TMTC2: variants seen among roughly 807,000 people sequenced by gnomAD.
The protein encoded by TMTC2 is transmembrane O-mannosyltransferase targeting cadherins 2.
Under a neutral mutation model 82.4 loss-of-function variants are expected in TMTC2, and 43 were observed. The observed-to-expected ratio is 0.52, with a 90% CI of 0.41 to 0.67. The LOEUF (loss-of-function observed/expected upper bound fraction) is 0.67. Among genes scored for constraint, TMTC2 ranks in the 30% least tolerant of loss-of-function variants. TMTC2 has a pLI of 0.00. For synonymous variants in TMTC2, 408 were observed against 381.9 expected (o/e 1.07, Z -0.80); for missense variants, 919 against 1,012.4 (o/e 0.91, Z 1.25).
At chr12:83,111,539 C>T (rs976996416) in intron 11 of TMTC2, among the ~76,000 whole-genome samples, 2 of 152,178 alleles carry the variant, frequency 1.3e-5, no homozygotes, top group African/African-American at 2.4e-5. Flanking sequence ...ATGTGACCCA[C>T]AGACTAGTTT....
intron 7 of TMTC2, among the ~76,000 whole-genome samples, chr12:82,974,537 T>TA (rs970112938): frequency 2.6e-5 from 4 of 152,170 alleles, no homozygotes; most frequent in Admixed American, 2.0e-4. Context: ...AAGATATTCT[T>TA]ACACATATTT....
At chr12:82,926,044 C>T (rs1293308079) in intron 3 of TMTC2, among the ~76,000 whole-genome samples, 2 of 148,948 alleles carry the variant, frequency 1.3e-5, no homozygotes, top group Non-Finnish European at 3.0e-5. Flanking sequence ...TGCAGTGGTG[C>T]GATCTCGGCT....
At chr12:83,005,185 T>C (rs1258489320) in intron 8 of TMTC2, among the ~76,000 whole-genome samples, 3 of 123,202 alleles carry the variant, frequency 2.4e-5, no homozygotes, top group African/African-American at 3.4e-5. Flanking sequence ...GCCTGGGCGA[T>C]AGAGCTAGAC....
intron 2 of TMTC2, among the ~76,000 whole-genome samples, chr12:82,863,744 TA>T (rs958821993): frequency 6.6e-6 from 1 of 152,248 alleles, no homozygotes; most frequent in African/African-American, 2.4e-5. Flanking sequence ...AAATTATCAT[TA>T]AAAAAATTCA....
At chr12:82,689,794 A>T (rs758704525) in intron 1 of TMTC2, among the ~76,000 whole-genome samples, 2 of 152,204 alleles carry the variant, frequency 1.3e-5, no homozygotes, top group Non-Finnish European at 2.9e-5. Context: ...GTAGCTACAT[A>T]GGTGAATATA....
At chr12:82,837,120 C>G (rs910568685) in intron 1 of TMTC2, among the ~76,000 whole-genome samples, 1 of 152,182 alleles carries the variant, frequency 6.6e-6, no homozygotes, top group Non-Finnish European at 1.5e-5. Context: ...CTTGGAGCCT[C>G]TCATTGAGAT....
At chr12:83,043,929 G>T (rs547596126) in intron 9 of TMTC2, among the ~76,000 whole-genome samples, 6 of 152,096 alleles carry the variant, frequency 3.9e-5, no homozygotes, top group Admixed American at 6.6e-5. Flanking sequence ...GAATTGTTCC[G>T]AAATTAAAAT....
chr12:82,875,253 G>A (rs1872424908), intron 2 of TMTC2, among the ~76,000 whole-genome samples: 2 of 152,058 alleles, frequency 1.3e-5, no homozygotes, highest in African/African-American at 4.8e-5. Context: ...TTTCATACAA[G>A]TTGCATGCAT....
At chr12:82,833,902 A>G (rs1869887689) in intron 1 of TMTC2, among the ~76,000 whole-genome samples, 1 of 152,222 alleles carries the variant, frequency 6.6e-6, no homozygotes, top group Non-Finnish European at 1.5e-5. Flanking sequence ...ACAGATGATA[A>G]TTACCCAGTA....
intron 9 of TMTC2, among the ~76,000 whole-genome samples, chr12:83,034,846 C>A (rs886920882): frequency 1.3e-5 from 2 of 152,084 alleles, no homozygotes; most frequent in African/African-American, 4.8e-5. Context: ...AAAAGATGTT[C>A]TATTTGAATT....
intron 1 of TMTC2, among the ~76,000 whole-genome samples, chr12:82,770,153 CTG>C (rs1489890453): frequency 1.3e-5 from 2 of 152,128 alleles, no homozygotes; most frequent in Non-Finnish European, 2.9e-5. Context: ...GCAAGTCAAA[CTG>C]TGACTTTTAC....
chr12:82,897,565 G>A (rs539894187), intron 3 of TMTC2, among the ~76,000 whole-genome samples: 10 of 152,064 alleles, frequency 6.6e-5, no homozygotes, highest in South Asian at 2.1e-4. Flanking sequence ...TTGCTCTGTC[G>A]CCCAGGCCGG....
chr12:82,776,373 A>G (rs780029263), intron 1 of TMTC2, among the ~76,000 whole-genome samples: 7 of 152,194 alleles, frequency 4.6e-5, no homozygotes, highest in East Asian at 1.9e-4. Context: ...CACTCTGGGT[A>G]TATGCTGGAC....
At chr12:82,855,361 T>C (rs1592577223) in intron 1 of TMTC2, among the ~76,000 whole-genome samples, 1 of 152,202 alleles carries the variant, frequency 6.6e-6, no homozygotes, top group East Asian at 1.9e-4. Context: ...TCCAACCTGC[T>C]TTTCGGTAAT....
chr12:83,060,785 G>A (rs1347213080), intron 10 of TMTC2, among the ~76,000 whole-genome samples: 1 of 151,756 alleles, frequency 6.6e-6, no homozygotes, highest in Non-Finnish European at 1.5e-5. Flanking sequence ...CGACTGGCTG[G>A]ACTTCCTTAG....
At chr12:83,108,598 C>T (rs1884496505) in intron 11 of TMTC2, among the ~76,000 whole-genome samples, 1 of 151,496 alleles carries the variant, frequency 6.6e-6, no homozygotes, top group Non-Finnish European at 1.5e-5. Context: ...CGACTGCACT[C>T]CAGCCTGGGT....
At chr12:83,095,126 A>C (rs1043169634) in intron 11 of TMTC2, among the ~76,000 whole-genome samples, 5 of 151,960 alleles carry the variant, frequency 3.3e-5, no homozygotes, top group African/African-American at 1.2e-4. Flanking sequence ...GTGTGTGTGC[A>C]TGTGTCCATG....
chr12:82,858,174 C>T (rs936373769), intron 2 of TMTC2, among the ~76,000 whole-genome samples: 5 of 152,194 alleles, frequency 3.3e-5, no homozygotes, highest in African/African-American at 1.2e-4. Flanking sequence ...AAGACCTTTG[C>T]CTTAGGGCAT....
At chr12:82,975,219 T>C (rs1234843415) in intron 7 of TMTC2, among the ~76,000 whole-genome samples, 1 of 152,188 alleles carries the variant, frequency 6.6e-6, no homozygotes, top group Non-Finnish European at 1.5e-5. Flanking sequence ...ATAAATTAAG[T>C]TGAAAATTCA....
Sources: gnomAD v4.1 joint callset for allele counts (sites outside exome capture counted in the v4.1 genomes callset) on GRCh38, gnomAD v4.1.1 for gene constraint, MANE v1.5 for transcripts, NCBI Gene and HGNC (gene_info 2026-07-23, HGNC 2026-07-21) for gene names.